Variants in PTK2 observed in about 807,000 individuals in gnomAD.
PTK2 encodes the protein protein tyrosine kinase 2, also known as focal adhesion kinase 1.
Under a neutral mutation model 150.1 loss-of-function variants are expected in PTK2, and 45 were observed. The observed-to-expected ratio is 0.30, with a 90% CI of 0.24 to 0.38. The LOEUF is 0.38. Ranked by LOEUF, PTK2 falls within the 10% of genes least tolerant of loss-of-function variation. The probability of loss-of-function intolerance (pLI) is 1.00; values close to 1 mark genes in which losing one functional copy is unlikely to be tolerated. For missense variants in PTK2, 919 were observed against 1,307.3 expected (o/e 0.70, Z 4.58); for synonymous variants, 432 against 449.2 (o/e 0.96, Z 0.48).
chr8:140,707,538 T>G (rs940013233), intron 23 of PTK2, among the ~76,000 whole-genome samples: 2 of 73,228 alleles, frequency 2.7e-5, no homozygotes, highest in Non-Finnish European at 5.9e-5. Flanking sequence ...CTCAAGTAGC[T>G]GGGATTACAG....
chr8:140,662,799 CA>C, intron 31 of PTK2: 3 of 524,154 alleles, frequency 5.7e-6, no homozygotes, highest in South Asian at 2.9e-5. Context: ...ACTGGAGATG[CA>C]AAATCTCAAT....
intron 7 of PTK2, among the ~76,000 whole-genome samples, chr8:140,831,770 T>C (rs942747986): frequency 3.3e-5 from 5 of 152,238 alleles, no homozygotes; most frequent in Non-Finnish European, 7.3e-5. Context: ...CACTTTTGTT[T>C]GTAACTTCCC....
intron 2 of PTK2, among the ~76,000 whole-genome samples, chr8:140,908,689 G>T (rs554281223): frequency 6.6e-6 from 1 of 152,070 alleles, no homozygotes; most frequent in African/African-American, 2.4e-5. Flanking sequence ...TAAGATTTGG[G>T]GGGGGACACA....
chr8:140,659,849 C>T (rs889030442), intron 31 of PTK2, among the ~76,000 whole-genome samples, 171 bp from the exon 36 acceptor site: 1 of 152,108 alleles, frequency 6.6e-6, no homozygotes, highest in Non-Finnish European at 1.5e-5. Flanking sequence ...GCCACCAAGC[C>T]CTGCACCAAT....
intron 14 of PTK2, among the ~76,000 whole-genome samples, chr8:140,781,069 C>T (rs1233700200): frequency 6.6e-6 from 1 of 152,112 alleles, no homozygotes; most frequent in African/African-American, 2.4e-5. Context: ...TTTGTCTTGA[C>T]TCATGCAGTT....
intron 27 of PTK2, among the ~76,000 whole-genome samples, chr8:140,677,662 C>T (rs773944899): frequency 6.6e-6 from 1 of 152,206 alleles, no homozygotes; most frequent in Non-Finnish European, 1.5e-5. Context: ...AATTGTTCCT[C>T]CCTCACACAA....
chr8:140,838,846 A>T (rs1164449351), intron 7 of PTK2, among the ~76,000 whole-genome samples: 2 of 152,018 alleles, frequency 1.3e-5, no homozygotes, highest in African/African-American at 4.8e-5. Flanking sequence ...CTCTACTAAA[A>T]ATACAAAAAA....
At chr8:140,689,147 A>AGGG (rs2100021672) in intron 26 of PTK2, among the ~76,000 whole-genome samples, 1 of 152,220 alleles carries the variant, frequency 6.6e-6, no homozygotes, top group African/African-American at 2.4e-5. Context: ...TGGCAACTGA[A>AGGG]GGGGAACTCA....
chr8:140,953,940 A>G (rs1230556199), intron 1 of PTK2, among the ~76,000 whole-genome samples: 2 of 151,020 alleles, frequency 1.3e-5, no homozygotes, highest in African/African-American at 4.9e-5. Context: ...TTTCAGAGAC[A>G]AGGTCTTGTT....
At chr8:140,662,602 C>T (rs2082156760) in intron 31 of PTK2, 1 of 444,380 alleles carries the variant, frequency 2.3e-6, no homozygotes, top group Non-Finnish European at 4.1e-6. Flanking sequence ...CAGGCCTTCT[C>T]AAAAACAAGT....
At chr8:140,912,815 C>T (rs2100163736) in intron 2 of PTK2, among the ~76,000 whole-genome samples, 1 of 151,578 alleles carries the variant, frequency 6.6e-6, no homozygotes, top group Non-Finnish European at 1.5e-5. Context: ...AAAAATTAGA[C>T]GAGCTTGGTA....
intron 8 of PTK2, chr8:140,821,544 A>T (rs1053258733): frequency 6.6e-6 from 1 of 152,254 alleles, no homozygotes; most frequent in East Asian, 1.9e-4. Flanking sequence ...TTGACCTTGA[A>T]GTCTTCCAAC....
rs139600480 is a variant in PTK2 at position 140,695,670 on chromosome 8, G to A, written c.2499+5221C>T. 8.9e-4 allele frequency among the ~76,000 whole-genome samples: 135 copies of A among 152,266 alleles called. 1 individual carries two copies. The highest frequency in any genetic ancestry group is 3.1e-3 in the African/African-American group (128 of 41,544). On this transcript the variant is annotated intron_variant, in intron 26 of 31. Transcript: ENST00000522684. The stretch of plus-strand genomic sequence containing the variant: ...ATCCGCCTCAGCCTCCCAAAGTACT[G>A]GGATTACAGGCATGAGCCACAGTGC...
At chr8:140,944,403 T>C (rs562439240) in intron 1 of PTK2, among the ~76,000 whole-genome samples, 43 of 152,196 alleles carry the variant, frequency 2.8e-4, no homozygotes, top group Non-Finnish European at 5.7e-4. Flanking sequence ...CTCCCAATTG[T>C]GCACTGTGGT....
intron 1 of PTK2, among the ~76,000 whole-genome samples, chr8:140,973,731 AAACAAAACTTGCC>A (rs2100188240): frequency 6.6e-6 from 1 of 152,196 alleles, no homozygotes; most frequent in Non-Finnish European, 1.5e-5. Flanking sequence ...TCCAAACAGA[AAACAAAACTTGCC>A]ACCTAAACTT....
intron 10 of PTK2, among the ~76,000 whole-genome samples, chr8:140,806,919 ACT>A (rs1281876766): frequency 6.6e-6 from 1 of 152,108 alleles, no homozygotes; most frequent in Non-Finnish European, 1.5e-5. Context: ...ACACTCAGAT[ACT>A]CTCTCACGCC....
chr8:140,762,768 T>C (rs538951872), intron 15 of PTK2, among the ~76,000 whole-genome samples: 3 of 152,120 alleles, frequency 2.0e-5, no homozygotes, highest in Non-Finnish European at 4.4e-5. Flanking sequence ...ACAAGTGTTT[T>C]GGTGTTTTTT....
chr8:140,707,585 A>G (rs1044936190), intron 23 of PTK2, among the ~76,000 whole-genome samples: 2 of 151,996 alleles, frequency 1.3e-5, no homozygotes, highest in East Asian at 3.9e-4. Context: ...TTGTATTTAC[A>G]GTAGAGATGG....
intron 5 of PTK2, among the ~76,000 whole-genome samples, chr8:140,848,002 C>A (rs1268321456): frequency 6.6e-6 from 1 of 152,214 alleles, no homozygotes; most frequent in Non-Finnish European, 1.5e-5. Context: ...TAAACCCAAG[C>A]CACGTTGAAC....
Sources: allele counts gnomAD v4.1 joint callset (sites outside exome capture counted in the v4.1 genomes callset), GRCh38; gene constraint gnomAD v4.1.1; transcripts MANE v1.5; gene names NCBI Gene and HGNC (gene_info 2026-07-23, HGNC 2026-07-21).